Variants in MOSPD2 observed in about 807,000 individuals in gnomAD.
MOSPD2 encodes motile sperm domain-containing protein 2.
In MOSPD2, 5 loss-of-function variants were observed where a neutral mutation model predicts 41.7. The observed-to-expected ratio is 0.12, with a 90% CI of 0.06 to 0.25. The LOEUF (loss-of-function observed/expected upper bound fraction) is 0.25, where lower values mean the gene tolerates loss of function less well. Among genes scored for constraint, MOSPD2 ranks in the 10% least tolerant of loss-of-function variants. The pLI, the probability that MOSPD2 is intolerant of heterozygous loss-of-function variation, is 1.00. For missense variants in MOSPD2, 282 were observed against 375.2 expected (o/e 0.75, Z 2.05); for synonymous variants, 115 against 126.9 (o/e 0.91, Z 0.63).
intron 7 of MOSPD2, among the ~76,000 whole-genome samples, 157 bp downstream of exon 7, chrX:14,903,161 C>G (rs768344193): frequency 6.3e-5 from 7 of 111,483 alleles, no homozygotes; most frequent in African/African-American, 2.3e-4. Flanking sequence ...TATTCCTAAG[C>G]AAACAGGGCT....
intron 2 of MOSPD2, 112 bp from the exon 3 acceptor site, chrX:14,892,611 C>T: frequency 8.8e-6 from 5 of 571,229 alleles, no homozygotes; most frequent in Non-Finnish European, 8.6e-6. Flanking sequence ...CTGAGTCTAT[C>T]CTCAAATAGC....
Position 14,885,406 on chromosome X carries a change from A to G in MOSPD2, c.80-7317A>G, listed in dbSNP as rs1481322373. On this transcript the variant is annotated intron_variant, in intron 2 of 14. Coordinates refer to ENST00000380492, the MANE Select transcript of MOSPD2 (RefSeq NM_152581.4). Reference sequence around the variant, plus strand: ...GCAATGGTGTAAATTCTTCTGCTAAATAACCCGTGGGTTAAAGAGGACATC... The same window carrying G: ...GCAATGGTGTAAATTCTTCTGCTAAGTAACCCGTGGGTTAAAGAGGACATC... 2.7e-5 allele frequency: 3 copies of G among 112,119 alleles called. No homozygotes were observed. The Admixed American group carries it at 2.8e-4, about 11-fold the overall frequency. The allele number at this position is 112,119 out of a possible 1,213,427, so 9.2% of individuals were successfully genotyped here.
Position 14,897,225 on chromosome X carries a change from G to T in MOSPD2, c.464G>T (p.Gly155Val). 1 of 1,197,384 alleles carries T rather than the reference G, an allele frequency of 8.4e-7. No individual in the cohort carries two copies. The highest frequency in any genetic ancestry group is 1.1e-6 in the Non-Finnish European group (1 of 888,700). ...VTVMFDLSET[G>V]INSIDMDFVR... ...GTGATGTTTGACCTGTCAGAAACTG[G>T]AATAAATAGCATTGTAAGCATTTTT... The change falls in exon 5 of 15, where the codon GGA becomes GTA. Residue 155 changes from glycine (G) to valine (V), a missense_variant. Physicochemically the swap from Gly to Val is moderately radical, Grantham distance 109 (BLOSUM62 -3). Around this residue, in one of 3 missense-constraint regions of MOSPD2, gnomAD observed 187 missense variants for 256.6 expected, o/e 0.73. Transcript: ENST00000380492.
intron 6 of MOSPD2, 63 bp from the exon 7 acceptor site, chrX:14,902,903 G>T: frequency 1.2e-6 from 1 of 825,499 alleles, no homozygotes; most frequent in Non-Finnish European, 1.8e-6. Context: ...TTCTAGGCTG[G>T]TATGAGTGAT....
chrX:14,873,474 G>A lies in MOSPD2; in HGVS notation c.-55G>A. 8.3e-7 allele frequency: 1 copy of A among 1,210,618 alleles called. No homozygotes were observed. Among genetic ancestry groups the A allele is most frequent in the South Asian group, 1.8e-5 (1 of 56,983 alleles). On this transcript the variant is annotated 5_prime_UTR_variant, in exon 1 of 15. Transcript: ENST00000380492. ...CTGCCGGGTGATGAGATACTCGGTC[G>A]GCGACGGTAGAACGGGCGACGGCGA...
At chrX:14,895,194 T>G in intron 3 of MOSPD2, 114 bp from the exon 4 acceptor site, 1 of 485,949 alleles carries the variant, frequency 2.1e-6, no homozygotes, top group Non-Finnish European at 3.5e-6. Flanking sequence ...AATGTTTGGG[T>G]ACATTATATC....
chrX:14,918,677 T>A lies in MOSPD2; in HGVS notation c.1317-3T>A, dbSNP rs747722461. 1 of 1,124,826 alleles carries A rather than the reference T, an allele frequency of 8.9e-7. No homozygotes were observed. The highest frequency in any genetic ancestry group is 1.2e-6 in the Non-Finnish European group (1 of 834,682). 92.7% of individuals were successfully genotyped at this position (1,124,826 alleles called of 1,213,427 possible). ...AAGTTATGTTTTCTTTGGATTTTAATAGGTTAAGATGCCATACTGTTGAAA... is the reference window on the plus strand; with the variant it reads ...AAGTTATGTTTTCTTTGGATTTTAAAAGGTTAAGATGCCATACTGTTGAAA... On this transcript the variant is annotated splice_region_variant and splice_polypyrimidine_tract_variant and intron_variant, in intron 13 of 14. Coordinates refer to ENST00000380492, the MANE Select transcript of MOSPD2 (RefSeq NM_152581.4).
chrX:14,873,818 G>A (rs1246176134), intron 2 of MOSPD2, 60 bp downstream of exon 2: 1 of 924,648 alleles, frequency 1.1e-6, no homozygotes. Flanking sequence ...AACTTTGCTG[G>A]AGTGTTTGTG....
At chrX:14,890,063 A>G (rs1417022706) in intron 2 of MOSPD2, among the ~76,000 whole-genome samples, 1 of 111,501 alleles carries the variant, frequency 9.0e-6, no homozygotes, top group Non-Finnish European at 1.9e-5. Flanking sequence ...ATGCTAAGAT[A>G]TCATTTGCCT....
intron 3 of MOSPD2, 145 bp downstream of exon 3, chrX:14,893,023 T>C: frequency 2.3e-6 from 1 of 428,491 alleles, no homozygotes; most frequent in Non-Finnish European, 3.9e-6. Context: ...CAGTAATATT[T>C]TCAAAGGAAC....
Position 14,921,392 on chromosome X carries a change from A to T in MOSPD2, c.*1583A>T, listed in dbSNP as rs958072055. On this transcript the variant is annotated 3_prime_UTR_variant, in exon 15 of 15. Coordinates refer to ENST00000380492, the MANE Select transcript of MOSPD2 (RefSeq NM_152581.4). ...TTTTCTGTTTCAGTTTGCCACCTCC[A>T]GCTGTGAAATGGACTGCAGTCCACC... The T allele has an allele frequency of 3.2e-6, 3 of 935,612 alleles. No individual in the cohort carries two copies. In the African/African-American group the frequency reaches 6.2e-5, roughly 19 times the overall value. 77.1% of individuals were successfully genotyped at this position (935,612 alleles called of 1,213,427 possible).
At chrX:14,873,909 C>T (rs1384578477) in intron 2 of MOSPD2, 151 bp downstream of exon 2, 4 of 514,706 alleles carry the variant, frequency 7.8e-6, no homozygotes, top group African/African-American at 6.9e-5. Flanking sequence ...TTTTCCTCTC[C>T]ATGACAAGCC....
At chrX:14,902,715 A>G (rs2092575180) in intron 6 of MOSPD2, among the ~76,000 whole-genome samples, 1 of 112,213 alleles carries the variant, frequency 8.9e-6, no homozygotes. Flanking sequence ...ACCAGAGGAC[A>G]GTGACAGTGC....
Position 14,914,534 on chromosome X carries a change from G to A in MOSPD2, c.1024G>A (p.Glu342Lys). Reference protein sequence around the residue: ...PAEELYFGSTESGEKKTLIVL... With the variant: ...PAEELYFGSTKSGEKKTLIVL... ...AGAAGAACTGTACTTTGGAAGTACA[G>A]AATCCGGAGAGAAGAAAACCTTAAT... Residue 342 changes from glutamate to lysine, a missense_variant, in exon 11 of 15, where the codon GAA becomes AAA. Glu to Lys is a moderately conservative substitution (Grantham distance 56, BLOSUM62 1). Coordinates refer to ENST00000380492, the MANE Select transcript of MOSPD2 (RefSeq NM_152581.4). 1 of 1,197,143 alleles carries A rather than the reference G, an allele frequency of 8.4e-7. No individual in the cohort carries two copies. Among genetic ancestry groups the A allele is most frequent in the Non-Finnish European group, 1.1e-6 (1 of 886,526 alleles).
In MOSPD2 at chrX:14,920,797, G is replaced by T. The variant is rs1203746283; in HGVS notation, c.*988G>T. 1.7e-5 allele frequency: 13 copies of T among 751,257 alleles called. No individual in the cohort carries two copies. In the African/African-American group the frequency reaches 2.8e-4, roughly 16 times the overall value. The allele number at this position is 751,257 out of a possible 1,213,427, so 61.9% of individuals were successfully genotyped here. Reference sequence around the variant, plus strand: ...GATGCTAAGCAGGATAATAAATTTAGATTTTAAAATGTTCCCTGTAAAAGT... The same window carrying T: ...GATGCTAAGCAGGATAATAAATTTATATTTTAAAATGTTCCCTGTAAAAGT... On this transcript the variant is annotated 3_prime_UTR_variant, in exon 15 of 15. Coordinates refer to ENST00000380492, the MANE Select transcript of MOSPD2 (RefSeq NM_152581.4).
intron 2 of MOSPD2, among the ~76,000 whole-genome samples, chrX:14,886,032 T>C (rs1421532046): frequency 2.7e-5 from 3 of 111,340 alleles, no homozygotes; most frequent in Non-Finnish European, 5.7e-5. Flanking sequence ...AGGGTGTGAC[T>C]TTTCAAAGTC....
chrX:14,888,385 T>G (rs1043825394), intron 2 of MOSPD2, among the ~76,000 whole-genome samples: 1 of 110,672 alleles, frequency 9.0e-6, no homozygotes, highest in Non-Finnish European at 1.9e-5. Flanking sequence ...TGGGGGCAGG[T>G]CTTTCCTGCG....
intron 13 of MOSPD2, among the ~76,000 whole-genome samples, chrX:14,917,608 G>A (rs763970529): frequency 1.8e-4 from 20 of 112,085 alleles, no homozygotes; most frequent in Non-Finnish European, 3.4e-4. Flanking sequence ...TGCCAGCACT[G>A]TTCTAGATGC....
rs992346267 is a variant in MOSPD2, at chrX:14,873,697, C to A, written c.18C>A (p.Ala6=). The change falls in exon 2 of 15, where the codon GCC becomes GCA. Residue 6 remains alanine, a synonymous_variant. Transcript: ENST00000380492. MAENH[A]QNKAKLISET... ...TCGTGTCTCCCATCCAGAATCACGCCCAGAATAAAGCCAAGCTCATCTCTG... is the reference window on the plus strand; with the variant it reads ...TCGTGTCTCCCATCCAGAATCACGCACAGAATAAAGCCAAGCTCATCTCTG... 1 of 1,208,870 alleles carries A rather than the reference C, an allele frequency of 8.3e-7. No individual in the cohort carries two copies.
Sources: allele counts gnomAD v4.1 joint callset (sites outside exome capture counted in the v4.1 genomes callset), GRCh38; gene constraint gnomAD v4.1.1; regional missense constraint gnomAD v4.1.1; transcripts MANE v1.5; gene names NCBI Gene and HGNC (gene_info 2026-07-23, HGNC 2026-07-21).